The following TMC1 variants were observed in gnomAD, a reference collection of about 807,000 sequenced individuals.
The protein encoded by TMC1 is transmembrane channel-like protein 1.
Under a neutral mutation model 105.8 loss-of-function variants are expected in TMC1, and 84 were observed. That is an observed-to-expected ratio of 0.79 (90% CI 0.67 to 0.95). The LOEUF is 0.95. TMC1 is among the 40% of genes least tolerant of loss of function. TMC1 has a pLI of 0.00. For synonymous variants in TMC1, 315 were observed against 311.5 expected, an observed-to-expected ratio of 1.01 and a Z score of -0.12; for missense variants, 817 against 914.1, an observed-to-expected ratio of 0.89 and a Z score of 1.37.
At chr9:72,742,566 G>C (rs1405175600) in intron 10 of TMC1, 41 bp downstream of exon 10, 1 of 1,520,858 alleles carries the variant, frequency 6.6e-7, no homozygotes, top group Non-Finnish European at 9.1e-7. Context: ...GGTTGTCTTA[G>C]AGAAGTATCT....
At chr9:72,565,772 T>C (rs1399760074) in intron 1 of TMC1, among the ~76,000 whole-genome samples, 1 of 152,160 alleles carries the variant, frequency 6.6e-6, no homozygotes, top group Non-Finnish European at 1.5e-5. Context: ...GGCAAGAGCG[T>C]GTGTGCAGGG....
intron 20 of TMC1, among the ~76,000 whole-genome samples, chr9:72,823,451 G>C (rs1055084575): frequency 6.6e-6 from 1 of 152,308 alleles, no homozygotes; most frequent in African/African-American, 2.4e-5. Context: ...CTAGGTTACT[G>C]GAGGTATCAC....
chr9:72,786,478 C>G (rs2118171321), intron 13 of TMC1, among the ~76,000 whole-genome samples: 1 of 151,944 alleles, frequency 6.6e-6, no homozygotes, highest in African/African-American at 2.4e-5. Flanking sequence ...ACAAAACAAA[C>G]AAAAAGAAAC....
intron 4 of TMC1, among the ~76,000 whole-genome samples, chr9:72,644,678 A>G (rs1450013340): frequency 6.6e-6 from 1 of 152,204 alleles, no homozygotes; most frequent in African/African-American, 2.4e-5. Context: ...AAAGTTAGGT[A>G]GTAAAAGTCT....
In TMC1 at chr9:72,648,598, C is replaced by G; in HGVS notation, c.-51C>G. 1.3e-5 allele frequency: 20 copies of G among 1,561,592 alleles called. No homozygotes were observed. The highest frequency in any genetic ancestry group is 1.8e-5 in the Non-Finnish European group (20 of 1,132,234). On this transcript the variant is annotated splice_region_variant and 5_prime_UTR_variant, in exon 5 of 24. Transcript: ENST00000297784. ...AATATTTGTTCCTTCATCCTGCAGT[C>G]CCTCTCCAAACTAGCCAGCCACTGA...
intron 2 of TMC1, among the ~76,000 whole-genome samples, chr9:72,593,774 A>C (rs956768928): frequency 1.3e-5 from 2 of 152,026 alleles, no homozygotes; most frequent in Non-Finnish European, 2.9e-5. Flanking sequence ...GCGAAAACCT[A>C]GGCTTCTCAA....
intron 8 of TMC1, among the ~76,000 whole-genome samples, chr9:72,710,857 C>T (rs770827225): frequency 3.9e-5 from 6 of 152,094 alleles, no homozygotes; most frequent in Admixed American, 3.3e-4. Flanking sequence ...CATAGGTATA[C>T]ACATGCCATG....
intron 13 of TMC1, among the ~76,000 whole-genome samples, chr9:72,775,185 T>C (rs2501914): frequency 0.6 from 91,858 of 151,954 alleles, 30,216 homozygotes; most frequent in African/African-American, 0.89. Context: ...CCAACAAACA[T>C]GGATGGTTGG....
chr9:72,557,593 T>C (rs1359401129), intron 1 of TMC1, among the ~76,000 whole-genome samples: 3 of 152,174 alleles, frequency 2.0e-5, no homozygotes, highest in African/African-American at 4.8e-5. Context: ...ACTAAAGCCA[T>C]GTCCCCCAGA....
At chr9:72,741,468 A>G in intron 9 of TMC1, 1 of 306,416 alleles carries the variant, frequency 3.3e-6, no homozygotes. Context: ...TCCATCTTCC[A>G]GTTTCTTGCC....
At chr9:72,667,362 T>G (rs937125436) in intron 5 of TMC1, among the ~76,000 whole-genome samples, 4 of 152,190 alleles carry the variant, frequency 2.6e-5, no homozygotes, top group Admixed American at 2.6e-4. Context: ...GTAAGTCAGC[T>G]TCCTTCTTCC....
chr9:72,593,218 A>C (rs1489528011), intron 2 of TMC1, among the ~76,000 whole-genome samples: 1 of 152,148 alleles, frequency 6.6e-6, no homozygotes, highest in Non-Finnish European at 1.5e-5. Context: ...ATCTCCACCC[A>C]AAACCAGCAT....
chr9:72,546,973 C>T (rs536907976), intron 1 of TMC1, among the ~76,000 whole-genome samples: 2 of 152,188 alleles, frequency 1.3e-5, no homozygotes, highest in Admixed American at 1.3e-4. Context: ...CAGCATGGTC[C>T]ATCCGTGAAT....
chr9:72,717,049 A>G (rs1826933958), intron 8 of TMC1, among the ~76,000 whole-genome samples: 1 of 152,150 alleles, frequency 6.6e-6, no homozygotes, highest in South Asian at 2.1e-4. Context: ...TGGGTGAGGC[A>G]ACGCCCCACC....
intron 4 of TMC1, among the ~76,000 whole-genome samples, chr9:72,648,183 G>A (rs1041808707): frequency 2.0e-5 from 3 of 152,060 alleles, no homozygotes; most frequent in Non-Finnish European, 2.9e-5. Context: ...CTTTACTAAC[G>A]CATTTAATTT....
At chr9:72,782,836 T>A (rs1386067773) in intron 13 of TMC1, among the ~76,000 whole-genome samples, 1 of 152,062 alleles carries the variant, frequency 6.6e-6, no homozygotes, top group East Asian at 1.9e-4. Flanking sequence ...ATGGGAAGAA[T>A]TAATATTGTT....
chr9:72,683,818 A>C (rs1436239259), intron 5 of TMC1, among the ~76,000 whole-genome samples: 1 of 141,570 alleles, frequency 7.1e-6, no homozygotes, highest in Non-Finnish European at 1.5e-5. Flanking sequence ...CTAAAATGCA[A>C]AATTTTGCTT....
intron 1 of TMC1, among the ~76,000 whole-genome samples, chr9:72,551,415 G>T (rs759611684): frequency 6.6e-6 from 1 of 152,142 alleles, no homozygotes; most frequent in Non-Finnish European, 1.5e-5. Context: ...GCACCCCTAT[G>T]CTCTGAGCTT....
At chr9:72,663,288 G>GT (rs1825994025) in intron 5 of TMC1, among the ~76,000 whole-genome samples, 2 of 152,146 alleles carry the variant, frequency 1.3e-5, no homozygotes, top group Non-Finnish European at 2.9e-5. Flanking sequence ...GTGGGTCCAG[G>GT]TGGGGCCACC....
Sources: allele counts gnomAD v4.1 joint callset (sites outside exome capture counted in the v4.1 genomes callset), GRCh38; gene constraint gnomAD v4.1.1; transcripts MANE v1.5; gene names NCBI Gene and HGNC (gene_info 2026-07-23, HGNC 2026-07-21).